The following SLC12A2 variants were observed in gnomAD, a reference collection of about 807,000 sequenced individuals.
The protein encoded by SLC12A2 is solute carrier family 12 member 2.
SLC12A2 carries 67 observed loss-of-function variants against 136.3 expected under a neutral mutation model. That is an observed-to-expected ratio of 0.49 (90% CI 0.40 to 0.60). The LOEUF (loss-of-function observed/expected upper bound fraction) is 0.60, where lower values mean the gene tolerates loss of function less well. SLC12A2 is among the 20% of genes least tolerant of loss of function. The pLI is 0.00. For synonymous variants in SLC12A2, 619 were observed against 562.9 expected (o/e 1.10, Z -1.41); for missense variants, 1,322 against 1,534.7 (o/e 0.86, Z 2.32).
chr5:128,101,059 A>G (rs952258530), intron 1 of SLC12A2, among the ~76,000 whole-genome samples: 1 of 152,206 alleles, frequency 6.6e-6, no homozygotes, highest in African/African-American at 2.4e-5. Context: ...TGAGCTTTGC[A>G]TTAATACCAC....
At chr5:128,131,523 C>T (rs1357208319) in intron 5 of SLC12A2, among the ~76,000 whole-genome samples, 1 of 145,110 alleles carries the variant, frequency 6.9e-6, no homozygotes, top group Non-Finnish European at 1.5e-5. Flanking sequence ...GAAACCCCAT[C>T]TCTACTACAA....
intron 1 of SLC12A2, among the ~76,000 whole-genome samples, chr5:128,098,979 G>T (rs1327513104): frequency 6.6e-6 from 1 of 152,096 alleles, no homozygotes; most frequent in African/African-American, 2.4e-5. Context: ...GTTGAGAAAG[G>T]CTCTCAGTTA....
intron 18 of SLC12A2, chr5:128,169,384 C>T (rs1350616811): frequency 6.6e-6 from 1 of 152,166 alleles, no homozygotes; most frequent in African/African-American, 2.4e-5. Context: ...ATATATTTGC[C>T]TGTCTCACAT....
rs1763003235 is a variant in SLC12A2 at position 128,160,477 on chromosome 5, A to G, written c.2476-1183A>G. Reference sequence around the variant, plus strand: ...GGTTGGAAGAAATAGGCAAATTGTGATAAATATCTCCGGGGGAAGTAATAT... The same window carrying G: ...GGTTGGAAGAAATAGGCAAATTGTGGTAAATATCTCCGGGGGAAGTAATAT... On this transcript the variant is annotated intron_variant, in intron 16 of 26. Transcript: ENST00000262461. Among the ~76,000 whole-genome samples, 6 of 152,202 alleles carry G rather than the reference A, an allele frequency of 3.9e-5. No individual in the cohort carries two copies. In the South Asian group the frequency reaches 1.2e-3, roughly 31 times the overall value.
intron 1 of SLC12A2, among the ~76,000 whole-genome samples, chr5:128,096,600 G>A (rs1312011443): frequency 6.6e-6 from 1 of 151,966 alleles, no homozygotes; most frequent in Non-Finnish European, 1.5e-5. Context: ...TGTACTGAGA[G>A]CATTTGCAAA....
rs370950784 is a variant in SLC12A2, at chr5:128,126,962, A to T, written c.1049-4105A>T. 5.0e-3 allele frequency among the ~76,000 whole-genome samples: 116 copies of T among 23,292 alleles called. 4 individuals carry two copies. Among genetic ancestry groups the T allele is most frequent in the African/African-American group, 9.5e-3 (32 of 3,368 alleles). The allele number at this position is 23,292 out of a possible 152,430, so 15.3% of individuals were successfully genotyped here. Reference sequence around the variant, plus strand: ...CCTACATATATATATATATATATATATATATTTTTTTTTTTTTTTTTTTTT... The same window carrying T: ...CCTACATATATATATATATATATATTTATATTTTTTTTTTTTTTTTTTTTT... On this transcript the variant is annotated intron_variant, in intron 4 of 26. Transcript: ENST00000262461.
chr5:128,169,632 A>C (rs536169132), intron 18 of SLC12A2: 2 of 152,230 alleles, frequency 1.3e-5, no homozygotes, highest in African/African-American at 4.8e-5. Context: ...GTGGCTTTCT[A>C]ATTTTGTATT....
chr5:128,120,674 A>G (rs1421710744), intron 4 of SLC12A2, among the ~76,000 whole-genome samples: 1 of 151,802 alleles, frequency 6.6e-6, no homozygotes, highest in South Asian at 2.1e-4. Flanking sequence ...ACACATGGAC[A>G]CAGGAAGGGG....
At chr5:128,158,253 T>A (rs1490337543) in intron 16 of SLC12A2, 89 bp downstream of exon 16, 15 of 920,424 alleles carry the variant, frequency 1.6e-5, no homozygotes, top group Non-Finnish European at 2.3e-5. Context: ...GTTATGTAGC[T>A]AAATTGTGTG....
chr5:128,093,558 A>G (rs945341098), intron 1 of SLC12A2, among the ~76,000 whole-genome samples: 2 of 152,112 alleles, frequency 1.3e-5, no homozygotes, highest in Non-Finnish European at 2.9e-5. Context: ...ATCTCTCGGA[A>G]TGGTACCACT....
At chr5:128,135,212 C>T (rs767047534) in intron 6 of SLC12A2, among the ~76,000 whole-genome samples, 1 of 152,110 alleles carries the variant, frequency 6.6e-6, no homozygotes, top group Middle Eastern at 3.4e-3. Context: ...GAATTTCCCT[C>T]CTGTATATTG....
intron 23 of SLC12A2, among the ~76,000 whole-genome samples, chr5:128,181,990 T>A (rs1763721664): frequency 6.6e-6 from 1 of 150,694 alleles, no homozygotes; most frequent in Non-Finnish European, 1.5e-5. Flanking sequence ...TATACTTTTA[T>A]ACCTACCACT....
At chr5:128,178,833 G>T in intron 22 of SLC12A2, 144 bp downstream of exon 22, 1 of 528,746 alleles carries the variant, frequency 1.9e-6, no homozygotes. Context: ...TCAGAATCAG[G>T]CACAGCCTTT....
chr5:128,088,139 A>G (rs570807379), intron 1 of SLC12A2, among the ~76,000 whole-genome samples: 7 of 151,984 alleles, frequency 4.6e-5, no homozygotes, highest in African/African-American at 1.7e-4. Flanking sequence ...AGATAAGAGA[A>G]CAGAAAATAG....
intron 17 of SLC12A2, among the ~76,000 whole-genome samples, chr5:128,162,262 T>A (rs1277913185): frequency 2.0e-5 from 3 of 152,058 alleles, no homozygotes; most frequent in African/African-American, 4.8e-5. Flanking sequence ...CATTGTGGTG[T>A]TGAATATAGC....
intron 10 of SLC12A2, among the ~76,000 whole-genome samples, chr5:128,146,867 T>C (rs1581110620): frequency 6.6e-6 from 1 of 151,846 alleles, no homozygotes; most frequent in Non-Finnish European, 1.5e-5. Context: ...CCAAAACTTG[T>C]ACCTCATTTT....
At chr5:128,177,697 T>G (rs1246874263) in intron 21 of SLC12A2, 2 of 152,534 alleles carry the variant, frequency 1.3e-5, no homozygotes, top group Non-Finnish European at 2.9e-5. Flanking sequence ...TGCAAAATCA[T>G]TTGTCATGTT....
At chr5:128,087,887 A>T (rs1760158155) in intron 1 of SLC12A2, among the ~76,000 whole-genome samples, 2 of 152,110 alleles carry the variant, frequency 1.3e-5, no homozygotes, top group Admixed American at 1.3e-4. Flanking sequence ...GTTGCTTGAG[A>T]TGAGAAATAC....
chr5:128,151,375 T>C lies in SLC12A2; in HGVS notation c.2242T>C (p.Tyr748His). ...TYVIVLGLYIYVTYKKPDVNW... is the reference protein window; with the variant it reads ...TYVIVLGLYIHVTYKKPDVNW... ...TGTGATAGTCCTTGGGCTGTATATT[T>C]ATGTTACCTACAAAAAACCAGGTCA... The change falls in exon 14 of 27, where the codon TAT (tyrosine) becomes CAT (histidine). Residue 748 changes from tyrosine to histidine, a missense_variant. By Grantham distance (83) the Tyr-to-His change is moderately conservative. Coordinates refer to ENST00000262461, the MANE Select transcript of SLC12A2 (RefSeq NM_001046.3). The C allele has an allele frequency of 6.2e-7, 1 of 1,608,600 alleles. No individual in the cohort carries two copies. The highest frequency in any genetic ancestry group is 8.5e-7 in the Non-Finnish European group (1 of 1,178,522).
Sources: gnomAD v4.1 joint callset for allele counts (sites outside exome capture counted in the v4.1 genomes callset) on GRCh38, gnomAD v4.1.1 for gene constraint, MANE v1.5 for transcripts, NCBI Gene and HGNC (gene_info 2026-07-23, HGNC 2026-07-21) for gene names.